Variants in RGS6 observed in about 807,000 individuals in gnomAD.
RGS6 encodes regulator of G protein signaling 6.
A neutral mutation model predicts 78.5 loss-of-function variants in RGS6; 30 were observed. The observed-to-expected ratio is 0.38, with a 90% CI of 0.29 to 0.52. RGS6 has a LOEUF of 0.52. RGS6 is among the 20% of genes least tolerant of loss of function. RGS6 has a pLI of 0.85. For synonymous variants in RGS6, 206 were observed against 206.0 expected, an observed-to-expected ratio of 1.00 and a Z score of 0.00; for missense variants, 495 against 609.7, an observed-to-expected ratio of 0.81 and a Z score of 1.98.
intron 2 of RGS6, among the ~76,000 whole-genome samples, chr14:72,314,052 G>T: frequency 6.6e-6 from 1 of 152,142 alleles, no homozygotes; most frequent in East Asian, 1.9e-4. Context: ...AGTATCTGTG[G>T]GTTTGGGTAT....
intron 2 of RGS6, among the ~76,000 whole-genome samples, chr14:72,129,227 G>T (rs2096266091): frequency 6.6e-6 from 1 of 152,148 alleles, no homozygotes; most frequent in Non-Finnish European, 1.5e-5. Flanking sequence ...GAAGATAAAA[G>T]TTGACAGCTT....
chr14:72,305,564 T>C (rs2067051423), intron 2 of RGS6, among the ~76,000 whole-genome samples: 1 of 152,242 alleles, frequency 6.6e-6, no homozygotes. Flanking sequence ...GTGATCAGTG[T>C]TGTTTATGTT....
chr14:72,128,263 A>G (rs1040006485), intron 2 of RGS6, among the ~76,000 whole-genome samples: 1 of 152,248 alleles, frequency 6.6e-6, no homozygotes, highest in Non-Finnish European at 1.5e-5. Context: ...GCTTGATTTC[A>G]TAAATATATT....
intron 2 of RGS6, among the ~76,000 whole-genome samples, chr14:72,041,475 G>T (rs2092394910): frequency 6.6e-6 from 1 of 152,188 alleles, no homozygotes; most frequent in Non-Finnish European, 1.5e-5. Flanking sequence ...AAGTATACCA[G>T]TTTCCCGTTA....
chr14:72,208,628 T>A (rs1011573071), intron 2 of RGS6, among the ~76,000 whole-genome samples: 1 of 152,150 alleles, frequency 6.6e-6, no homozygotes, highest in Non-Finnish European at 1.5e-5. Context: ...CTTGACTATA[T>A]TAGATGCAAG....
rs575375933 is a variant in RGS6 at position 72,203,097 on chromosome 14, G to A, written c.85-148998G>A. Among the ~76,000 whole-genome samples, 5 of 152,112 alleles carry A rather than the reference G, an allele frequency of 3.3e-5. No homozygotes were observed. In the East Asian group the frequency reaches 7.8e-4, roughly 24 times the overall value. On this transcript the variant is annotated intron_variant, in intron 2 of 17. Transcript: ENST00000553525. ...TCACCGTGTTAGCCAGGATGGTCTC[G>A]ATCTCCTGACCTCATGATCTGCCCG...
chr14:72,617,200 G>A, the RGS6 span, among the ~76,000 whole-genome samples: 4 of 152,232 alleles, frequency 2.6e-5, no homozygotes, highest in Non-Finnish European at 5.9e-5. Context: ...AAGAGGACGT[G>A]TGAAGTTGTA....
chr14:72,287,449 C>T lies in RGS6; in HGVS notation c.85-64646C>T, dbSNP rs898077583. Among the ~76,000 whole-genome samples, 5 of 152,010 alleles carry T rather than the reference C, an allele frequency of 3.3e-5. No homozygotes were observed. In the East Asian group the frequency reaches 7.7e-4, roughly 23 times the overall value. Reference sequence around the variant, plus strand: ...TTAACTGCGGGATTGTCATATGTGACCTTTTTTATTTTTATTTATTTTTTT... The same window carrying T: ...TTAACTGCGGGATTGTCATATGTGATCTTTTTTATTTTTATTTATTTTTTT... On this transcript the variant is annotated intron_variant, in intron 2 of 17. Transcript: ENST00000553525.
At chr14:72,247,019 C>T (rs897569366) in intron 2 of RGS6, among the ~76,000 whole-genome samples, 1 of 152,126 alleles carries the variant, frequency 6.6e-6, no homozygotes, top group Non-Finnish European at 1.5e-5. Context: ...TCCTGCACAC[C>T]TGCCCAGGCT....
chr14:72,220,926 G>C (rs1258571606), intron 2 of RGS6, among the ~76,000 whole-genome samples: 1 of 152,078 alleles, frequency 6.6e-6, no homozygotes, highest in African/African-American at 2.4e-5. Context: ...GAGACATTTG[G>C]GAGGATTCAG....
At chr14:72,080,914 A>G (rs1170790897) in intron 2 of RGS6, among the ~76,000 whole-genome samples, 1 of 152,008 alleles carries the variant, frequency 6.6e-6, no homozygotes, top group Non-Finnish European at 1.5e-5. Context: ...CATTTTGATT[A>G]CTGTAGCTTT....
At chr14:72,178,877 G>A (rs896810260) in intron 2 of RGS6, among the ~76,000 whole-genome samples, 2 of 152,232 alleles carry the variant, frequency 1.3e-5, no homozygotes, top group African/African-American at 4.8e-5. Context: ...ACTTGTGGCA[G>A]TGCCCTCATA....
At chr14:72,629,561 C>CA in the RGS6 span, 1 of 1,439,090 alleles carries the variant, frequency 6.9e-7, no homozygotes, top group Non-Finnish European at 9.4e-7. Context: ...CCTTCCTCTT[C>CA]ACCCCTCAAA....
intron 7 of RGS6, chr14:72,469,723 G>A (rs1005216389): frequency 7.5e-5 from 21 of 280,148 alleles, no homozygotes; most frequent in Non-Finnish European, 1.2e-4. Context: ...TGAAACAAGT[G>A]CTGTGTGAGT....
chr14:72,159,696 T>G (rs75461265), intron 2 of RGS6, among the ~76,000 whole-genome samples: 217 of 152,248 alleles, frequency 1.4e-3, no homozygotes, highest in African/African-American at 4.9e-3. Flanking sequence ...GGCCTGTGAT[T>G]TTTTTTTCCT....
chr14:72,564,042 C>A lies in RGS6; in HGVS notation c.*1575C>A, dbSNP rs530164583. ...GCTTGCTTATTTGCAGACCCGGCCT[C>A]CTGGGTGCTCCCCAGTGACCCATCT... On this transcript the variant is annotated 3_prime_UTR_variant, in exon 18 of 18. Coordinates refer to ENST00000553525, the MANE Select transcript of RGS6 (RefSeq NM_001204424.2). 4.6e-5 allele frequency: 7 copies of A among 152,356 alleles called. No homozygotes were observed. Among genetic ancestry groups the A allele is most frequent in the Non-Finnish European group, 1.0e-4 (7 of 68,046 alleles). 9.4% of individuals were successfully genotyped at this position (152,356 alleles called of 1,614,324 possible). A position where few individuals can be genotyped will look rare whatever the true frequency, so the allele number is the denominator to read the frequency against.
intron 3 of RGS6, among the ~76,000 whole-genome samples, chr14:72,446,658 T>C (rs550698989): frequency 4.6e-5 from 7 of 152,218 alleles, no homozygotes; most frequent in Non-Finnish European, 4.4e-5. Flanking sequence ...CATTATAACA[T>C]ATAAGGAAAT....
chr14:72,614,364 T>C, the RGS6 span, among the ~76,000 whole-genome samples: 3 of 152,110 alleles, frequency 2.0e-5, no homozygotes, highest in Admixed American at 1.3e-4. Context: ...AAGCATACTT[T>C]GGGGATGGGA....
chr14:72,053,214 G>T (rs1346328846), intron 2 of RGS6, among the ~76,000 whole-genome samples: 1 of 148,654 alleles, frequency 6.7e-6, no homozygotes, highest in Non-Finnish European at 1.5e-5. Flanking sequence ...CCACCTCCCA[G>T]GTTCGAGCGA....
Sources: allele counts gnomAD v4.1 joint callset (sites outside exome capture counted in the v4.1 genomes callset), GRCh38; gene constraint gnomAD v4.1.1; transcripts MANE v1.5; gene names NCBI Gene and HGNC (gene_info 2026-07-23, HGNC 2026-07-21).